The following BPIFC variants were observed in gnomAD, a reference collection of about 807,000 sequenced individuals.
BPIFC encodes BPI fold-containing family C protein.
A neutral mutation model predicts 57.6 loss-of-function variants in BPIFC; 60 were observed. The observed-to-expected ratio is 1.04, with a 90% CI of 0.85 to 1.29. The LOEUF (loss-of-function observed/expected upper bound fraction) is 1.29. Ranked by LOEUF, BPIFC falls within the 50% of genes most tolerant of loss-of-function variation. The pLI, the probability that BPIFC is intolerant of heterozygous loss-of-function variation, is 0.00. For missense variants in BPIFC, 581 were observed against 600.5 expected, an observed-to-expected ratio of 0.97 and a Z score of 0.34; for synonymous variants, 243 against 224.5, an observed-to-expected ratio of 1.08 and a Z score of -0.74.
intron 1 of BPIFC, among the ~76,000 whole-genome samples, chr22:32,463,394 A>G (rs1935202772): frequency 6.6e-6 from 1 of 152,214 alleles, no homozygotes; most frequent in Non-Finnish European, 1.5e-5. Context: ...CCAAGATTCA[A>G]AATCTCAGTA....
At chr22:32,449,896 G>A (rs5754091) in intron 4 of BPIFC, among the ~76,000 whole-genome samples, 49,734 of 151,642 alleles carry the variant, frequency 0.33, 8,465 homozygotes, top group East Asian at 0.56. Context: ...CACCATGCCC[G>A]GCTAATTTTT....
intron 3 of BPIFC, 108 bp from the exon 4 acceptor site, chr22:32,453,611 C>CT: frequency 7.5e-7 from 1 of 1,333,426 alleles, no homozygotes. Context: ...CCCTTAGATA[C>CT]TTAGAAAATG....
intron 16 of BPIFC, among the ~76,000 whole-genome samples, chr22:32,415,291 A>G (rs1933639957): frequency 6.6e-6 from 1 of 152,210 alleles, no homozygotes; most frequent in Non-Finnish European, 1.5e-5. Context: ...ACAGACCGGG[A>G]CAGGTCCTGG....
At chr22:32,435,941 TA>T in intron 9 of BPIFC, 61 bp from the exon 10 acceptor site, 1 of 1,523,894 alleles carries the variant, frequency 6.6e-7, no homozygotes, top group Non-Finnish European at 8.9e-7. Context: ...CTAAGAAGAC[TA>T]AGAAGATGGA....
intron 5 of BPIFC, among the ~76,000 whole-genome samples, chr22:32,446,535 C>T (rs559122549): frequency 5.5e-4 from 84 of 152,248 alleles, no homozygotes; most frequent in African/African-American, 1.9e-3. Flanking sequence ...CTGTGGGGAA[C>T]GTGTCATTTC....
At chr22:32,452,124 A>T (rs1380908485) in intron 4 of BPIFC, among the ~76,000 whole-genome samples, 1 of 150,794 alleles carries the variant, frequency 6.6e-6, no homozygotes, top group Non-Finnish European at 1.5e-5. Context: ...CTGGTCTCAA[A>T]CTCCTGAGCT....
At chr22:32,446,063 T>C (rs1359819137) in intron 5 of BPIFC, 67 bp from the exon 6 acceptor site, 2 of 1,553,822 alleles carry the variant, frequency 1.3e-6, no homozygotes, top group African/African-American at 2.7e-5. Flanking sequence ...GTTTCTCTGA[T>C]TACCCAGAGA....
At chr22:32,451,275 G>A (rs181056281) in intron 4 of BPIFC, among the ~76,000 whole-genome samples, 48 of 152,302 alleles carry the variant, frequency 3.2e-4, no homozygotes, top group African/African-American at 1.1e-3. Context: ...GTCTATCATA[G>A]TTGGACATTT....
At chr22:32,424,668 CTTCT>C (rs1933976022) in intron 13 of BPIFC, among the ~76,000 whole-genome samples, 4 of 66,344 alleles carry the variant, frequency 6.0e-5, no homozygotes, top group African/African-American at 2.6e-4. Flanking sequence ...TCTTCTTCTT[CTTCT>C]TCTTCTTCTT....
intron 8 of BPIFC, among the ~76,000 whole-genome samples, chr22:32,438,613 A>G (rs1221936427): frequency 6.6e-6 from 1 of 152,148 alleles, no homozygotes; most frequent in Non-Finnish European, 1.5e-5. Context: ...GCTGGCTTCG[A>G]ACTCCTGACC....
chr22:32,440,182 A>C (rs764498849), intron 8 of BPIFC, among the ~76,000 whole-genome samples: 3 of 152,062 alleles, frequency 2.0e-5, no homozygotes, highest in Non-Finnish European at 1.5e-5. Flanking sequence ...CCTAGACTGG[A>C]TCTTGGCTCA....
intron 13 of BPIFC, among the ~76,000 whole-genome samples, chr22:32,425,724 T>G (rs1216312064): frequency 1.3e-5 from 2 of 152,152 alleles, no homozygotes; most frequent in Non-Finnish European, 2.9e-5. Flanking sequence ...CTCCAGGGCC[T>G]GGAACAGTGC....
intron 2 of BPIFC, among the ~76,000 whole-genome samples, chr22:32,458,600 C>T (rs569659837): frequency 6.6e-6 from 1 of 152,314 alleles, no homozygotes; most frequent in East Asian, 1.9e-4. Flanking sequence ...GACTGGCACA[C>T]AGCAGGCATT....
chr22:32,445,713 GAAAAAA>G lies in BPIFC; in HGVS notation c.531-21_531-16del, dbSNP rs61507713. On this transcript the variant is annotated splice_polypyrimidine_tract_variant and intron_variant, in intron 6 of 16. Transcript: ENST00000300399. ...TATACAGAACACTGAGGAAAAAAAT[GAAAAAA>G]AAAAAAAAAAAAAAAAGAGGTTACT... is the stretch of plus-strand genomic sequence containing the variant. The G allele has an allele frequency of 6.5e-5, 46 of 711,278 alleles. No homozygotes were observed. Among genetic ancestry groups the G allele is most frequent in the Middle Eastern group, 4.9e-4 (1 of 2,042 alleles). The allele number at this position is 711,278 out of a possible 1,614,324, so 44.1% of individuals were successfully genotyped here. A position where few individuals can be genotyped will look rare whatever the true frequency, so the allele number is the denominator to read the frequency against.
chr22:32,423,683 A>C (rs887989919), intron 13 of BPIFC, among the ~76,000 whole-genome samples: 6 of 150,664 alleles, frequency 4.0e-5, no homozygotes, highest in Non-Finnish European at 8.9e-5. Flanking sequence ...AAAAAAAAAC[A>C]AAAAAACCTC....
At chr22:32,445,263 C>A (rs1028179063) in intron 7 of BPIFC, among the ~76,000 whole-genome samples, 2 of 152,152 alleles carry the variant, frequency 1.3e-5, no homozygotes, top group Non-Finnish European at 1.5e-5. Context: ...ATTGGCCAGG[C>A]GCGGTGGCTC....
intron 4 of BPIFC, 41 bp downstream of exon 4, chr22:32,453,342 G>C (rs1405049484): frequency 7.1e-7 from 1 of 1,412,112 alleles, no homozygotes; most frequent in African/African-American, 1.5e-5. Context: ...TGTTTCCTTT[G>C]AGCTTCTTAT....
chr22:32,447,276 T>A lies in BPIFC; in HGVS notation c.310A>T (p.Lys104Ter), dbSNP rs759186728. The change falls in exon 5 of 17, where the codon AAA becomes TAA. Residue 104 changes from lysine (K) to a stop codon, truncating the protein, a stop_gained. Transcript: ENST00000300399. LOFTEE classifies it high-confidence loss of function. Reference protein sequence around the residue: ...SLAFVPGVGIKALTNHGTANI... With the variant: ...SLAFVPGVGI ...GCAGTGCCATGGTTGGTTAGCGCTT[T>A]GATTCCCACTCCAGGCACAAAAGCC... The A allele has an allele frequency of 1.3e-5, 21 of 1,614,044 alleles. No individual in the cohort carries two copies. The highest frequency in any genetic ancestry group is 1.6e-5 in the Non-Finnish European group (19 of 1,180,028).
At chr22:32,459,023 C>A (rs1234292378) in intron 2 of BPIFC, among the ~76,000 whole-genome samples, 1 of 152,196 alleles carries the variant, frequency 6.6e-6, no homozygotes, top group Non-Finnish European at 1.5e-5. Context: ...GTCCCAAAAG[C>A]AGCAGTAATT....
Sources: gnomAD v4.1 joint callset for allele counts (sites outside exome capture counted in the v4.1 genomes callset) on GRCh38, gnomAD v4.1.1 for gene constraint, MANE v1.5 for transcripts, NCBI Gene and HGNC (gene_info 2026-07-23, HGNC 2026-07-21) for gene names.